The following SRGAP2 variants were observed in gnomAD, a reference collection of about 807,000 sequenced individuals.
The protein encoded by SRGAP2 is SLIT-ROBO Rho GTPase activating protein 2.
A neutral mutation model predicts 57.2 loss-of-function variants in SRGAP2; 15 were observed. The observed-to-expected ratio is 0.26, with a 90% CI of 0.18 to 0.40. SRGAP2 has a LOEUF of 0.40. Among genes scored for constraint, SRGAP2 ranks in the 10% least tolerant of loss-of-function variants. The pLI, the probability that SRGAP2 is intolerant of heterozygous loss-of-function variation, is 1.00. For synonymous variants in SRGAP2, 249 were observed against 248.0 expected, an observed-to-expected ratio of 1.00 and a Z score of -0.04; for missense variants, 520 against 669.6, an observed-to-expected ratio of 0.78 and a Z score of 2.47.
chr1:206,354,941 T>A, intron 4 of SRGAP2, among the ~76,000 whole-genome samples: 2 of 152,228 alleles, frequency 1.3e-5, no homozygotes, highest in Middle Eastern at 6.8e-3. Context: ...ATAGAAAATT[T>A]AAAAATACAG....
chr1:206,412,560 G>T (rs1659311737), intron 10 of SRGAP2, among the ~76,000 whole-genome samples: 1 of 152,252 alleles, frequency 6.6e-6, no homozygotes, highest in Non-Finnish European at 1.5e-5. Context: ...ATTGGAACAT[G>T]CCCTAAGTAA....
intron 5 of SRGAP2, among the ~76,000 whole-genome samples, chr1:206,385,875 G>T (rs1459165134): frequency 7.2e-5 from 11 of 152,134 alleles, no homozygotes; most frequent in African/African-American, 2.7e-4. Flanking sequence ...AGAATTGCCT[G>T]AGTGTGGTAT....
chr1:206,210,681 C>G (rs1666262840), intron 2 of SRGAP2, among the ~76,000 whole-genome samples: 1 of 148,158 alleles, frequency 6.7e-6, no homozygotes, highest in Admixed American at 6.6e-5. Flanking sequence ...GTTTTTCATT[C>G]ATGCCAACAA....
chr1:206,309,401 A>G (rs1216201179), intron 3 of SRGAP2, among the ~76,000 whole-genome samples: 2 of 151,146 alleles, frequency 1.3e-5, no homozygotes, highest in Non-Finnish European at 2.9e-5. Context: ...GTGGGGAGAG[A>G]GACACGAGGA....
At chr1:206,259,819 T>TAA (rs1553313186) in intron 2 of SRGAP2, among the ~76,000 whole-genome samples, 1 of 136,688 alleles carries the variant, frequency 7.3e-6, no homozygotes, top group African/African-American at 2.7e-5. Context: ...GTGGGTTCTT[T>TAA]TAACCCACAA....
chr1:206,358,656 T>C (rs1303677998), intron 4 of SRGAP2, among the ~76,000 whole-genome samples: 1 of 151,136 alleles, frequency 6.6e-6, no homozygotes, highest in African/African-American at 2.4e-5. Context: ...GACCTTTAAG[T>C]TCTCAGGCAA....
At chr1:206,237,176 C>A (rs1269600408) in intron 2 of SRGAP2, among the ~76,000 whole-genome samples, 1 of 151,904 alleles carries the variant, frequency 6.6e-6, no homozygotes, top group Non-Finnish European at 1.5e-5. Flanking sequence ...GCACAAGAAT[C>A]TCTTGAACCC....
chr1:206,398,888 C>T (rs1553354567), intron 7 of SRGAP2, among the ~76,000 whole-genome samples: 1 of 152,104 alleles, frequency 6.6e-6, no homozygotes, highest in African/African-American at 2.4e-5. Context: ...GGTCCAATTC[C>T]AACAGGTGAG....
At chr1:206,299,806 T>A (rs1384808091) in intron 2 of SRGAP2, among the ~76,000 whole-genome samples, 3 of 152,184 alleles carry the variant, frequency 2.0e-5, no homozygotes, top group Non-Finnish European at 2.9e-5. Flanking sequence ...TTTCTTCTTT[T>A]GCCTTCTTCC....
At chr1:206,387,112 C>G (rs1301308787) in intron 5 of SRGAP2, among the ~76,000 whole-genome samples, 2 of 100,274 alleles carry the variant, frequency 2.0e-5, no homozygotes, top group Non-Finnish European at 3.6e-5. Flanking sequence ...GGGGACAGAG[C>G]AAGACTCTGT....
At chr1:206,333,252 G>A (rs1190121770) in intron 3 of SRGAP2, 9 of 988,778 alleles carry the variant, frequency 9.1e-6, no homozygotes, top group East Asian at 5.0e-5. Context: ...CTTCTGCGTC[G>A]CTCACGCTGG....
chr1:206,324,565 T>G (rs1201391361), intron 3 of SRGAP2, among the ~76,000 whole-genome samples: 4 of 151,988 alleles, frequency 2.6e-5, no homozygotes, highest in Non-Finnish European at 5.9e-5. Context: ...ACTTTATCAC[T>G]GGGGGGTGCA....
chr1:206,325,881 C>G (rs1380099571), intron 3 of SRGAP2, among the ~76,000 whole-genome samples: 1 of 152,212 alleles, frequency 6.6e-6, no homozygotes, highest in Non-Finnish European at 1.5e-5. Context: ...GTTGTAATCT[C>G]TGGCAGACGA....
At chr1:206,437,708 T>C in intron 15 of SRGAP2, 1 of 453,982 alleles carries the variant, frequency 2.2e-6, no homozygotes, top group Non-Finnish European at 4.0e-6. Flanking sequence ...CCATAGGGAA[T>C]GTCCCTGAGC....
rs1294031139 is a variant in SRGAP2, at chr1:206,323,399, G to A, written c.261-19447G>A. 4.0e-5 allele frequency among the ~76,000 whole-genome samples: 6 copies of A among 151,542 alleles called. No homozygotes were observed. In the East Asian group the frequency reaches 1.2e-3, roughly 30 times the overall value. On this transcript the variant is annotated intron_variant, in intron 3 of 22. Transcript: ENST00000573034. ...AAGTCAGTGATGGGGACATAGGCCA[G>A]ACATGCACTGAGAACAAACCAACCA...
At chr1:206,370,852 GAATA>G (rs1337854222) in intron 4 of SRGAP2, among the ~76,000 whole-genome samples, 1 of 128,720 alleles carries the variant, frequency 7.8e-6, no homozygotes, top group South Asian at 2.6e-4. Flanking sequence ...AGATGGTGCT[GAATA>G]AATAGTTAAT....
chr1:206,306,370 G>A (rs1270926996), intron 3 of SRGAP2, among the ~76,000 whole-genome samples: 178 of 152,184 alleles, frequency 1.2e-3, no homozygotes, highest in African/African-American at 3.8e-3. Context: ...TTAAGGCAGC[G>A]CGTCTGGAGT....
rs1553350448 is a variant in SRGAP2 at position 206,391,612 on chromosome 1, CAT to C, written c.487-1076_487-1075del. 6.2e-4 allele frequency among the ~76,000 whole-genome samples: 64 copies of C among 103,176 alleles called. 1 individual carries two copies. The highest frequency in any genetic ancestry group is 4.4e-3 in the Middle Eastern group (1 of 228). The allele number at this position is 103,176 out of a possible 152,430, so 67.7% of individuals were successfully genotyped here. ...TTTGCACTCCTGTGTTACACACACA[CAT>C]GCACACACACACACACACACACACA... On this transcript the variant is annotated intron_variant, in intron 5 of 22. Transcript: ENST00000573034.
Position 206,461,605 on chromosome 1 carries a change from A to C in SRGAP2, c.*185A>C. 1.7e-6 allele frequency: 1 copy of C among 577,792 alleles called. No homozygotes were observed. Among genetic ancestry groups the C allele is most frequent in the Non-Finnish European group, 3.1e-6 (1 of 324,900 alleles). 35.8% of individuals were successfully genotyped at this position (577,792 alleles called of 1,614,324 possible). On this transcript the variant is annotated 3_prime_UTR_variant, in exon 23 of 23. Transcript: ENST00000573034. ...CCCTTGGTATCGCCTCTCCCTTCCC[A>C]CTGCCCTCTGCTTCCCCCAGTCGTC...
Sources: allele counts gnomAD v4.1 joint callset (sites outside exome capture counted in the v4.1 genomes callset), GRCh38; gene constraint gnomAD v4.1.1; transcripts MANE v1.5; gene names NCBI Gene and HGNC (gene_info 2026-07-23, HGNC 2026-07-21).